Variants in MELK observed in about 807,000 individuals in gnomAD.
MELK encodes pEg3 kinase.
In MELK, 81 loss-of-function variants were observed where a neutral mutation model predicts 85.0. That is an observed-to-expected ratio of 0.95 (90% CI 0.80 to 1.15). MELK has a LOEUF of 1.15. MELK is among the 50% of genes most tolerant of loss of function. The pLI is 0.00. For missense variants in MELK, 754 were observed against 777.5 expected (o/e 0.97, Z 0.36); for synonymous variants, 252 against 265.0 (o/e 0.95, Z 0.48).
chr9:36,656,075 G>A (rs1396454515), intron 12 of MELK, among the ~76,000 whole-genome samples: 1 of 152,152 alleles, frequency 6.6e-6, no homozygotes, highest in Non-Finnish European at 1.5e-5. Context: ...GGTATAATTA[G>A]TATACCCTTA....
intron 9 of MELK, among the ~76,000 whole-genome samples, chr9:36,632,590 T>C (rs7021288): frequency 0.034 from 5,249 of 152,302 alleles, 297 homozygotes; most frequent in African/African-American, 0.12. Flanking sequence ...TGAAAATGCC[T>C]TACTCTTTCT....
intron 4 of MELK, among the ~76,000 whole-genome samples, chr9:36,593,219 G>A (rs191195697): frequency 1.2e-4 from 17 of 139,918 alleles, no homozygotes; most frequent in African/African-American, 3.3e-4. Flanking sequence ...ATTCCATTCC[G>A]TGTCATAGTT....
chr9:36,648,680 A>G (rs1266344273), intron 11 of MELK, among the ~76,000 whole-genome samples: 1 of 152,208 alleles, frequency 6.6e-6, no homozygotes, highest in Non-Finnish European at 1.5e-5. Context: ...GGTGGGGAAA[A>G]TATTGGAAGA....
intron 8 of MELK, among the ~76,000 whole-genome samples, chr9:36,615,269 A>G (rs570704199): frequency 0.06 from 3,893 of 65,258 alleles, 313 homozygotes; most frequent in African/African-American, 0.2. Context: ...CCTCCCTCCC[A>G]GACGGCACGG....
At chr9:36,639,861 T>A (rs1829594087) in intron 10 of MELK, among the ~76,000 whole-genome samples, 1 of 149,736 alleles carries the variant, frequency 6.7e-6, no homozygotes, top group Non-Finnish European at 1.5e-5. Flanking sequence ...TAAAAAAATA[T>A]TTTTTTTTTA....
intron 2 of MELK, among the ~76,000 whole-genome samples, chr9:36,582,620 T>C (rs1000016897): frequency 2.0e-5 from 3 of 152,170 alleles, no homozygotes; most frequent in Non-Finnish European, 2.9e-5. Flanking sequence ...CACATATATA[T>C]GTATACACAT....
chr9:36,666,853 TTGTGTGTGTGTGTGTGTGTG>T (rs5897643), intron 14 of MELK, among the ~76,000 whole-genome samples: 3,517 of 130,838 alleles, frequency 0.027, 50 homozygotes, highest in Middle Eastern at 0.056. Context: ...ATGTCTGTGT[TTGTGTGTGTGTGTGTGTGTG>T]TGTGTGTGTG....
chr9:36,591,907 C>T (rs1231317674), intron 4 of MELK, among the ~76,000 whole-genome samples: 2 of 151,852 alleles, frequency 1.3e-5, no homozygotes, highest in African/African-American at 4.8e-5. Context: ...GCCTTGGCAA[C>T]AGAGTGAGAC....
intron 5 of MELK, 29 bp downstream of exon 5, chr9:36,594,800 C>T (rs368316172): frequency 6.3e-7 from 1 of 1,598,116 alleles, no homozygotes. Context: ...GTTAGATGCT[C>T]ACCTTCAGCG....
At chr9:36,627,853 G>T (rs540342208) in intron 8 of MELK, among the ~76,000 whole-genome samples, 1 of 150,504 alleles carries the variant, frequency 6.6e-6, no homozygotes, top group East Asian at 2.0e-4. Context: ...TTTATCCCTT[G>T]CCAGGGCACC....
At chr9:36,615,195 G>C (rs1826508380) in intron 8 of MELK, among the ~76,000 whole-genome samples, 3 of 144,472 alleles carry the variant, frequency 2.1e-5, no homozygotes, top group Non-Finnish European at 3.1e-5. Flanking sequence ...GCCGGGCGGG[G>C]GGCTGACCCC....
Position 36,595,599 on chromosome 9 carries a change from T to C in MELK, c.405+828T>C, listed in dbSNP as rs375606380. ...TGTCAATTGTGTGTGACTTTATAAA[T>C]GTCTTGTTTTTTTTTTTTTTTTTTT... On this transcript the variant is annotated intron_variant, in intron 5 of 17. Coordinates refer to ENST00000298048, the MANE Select transcript of MELK (RefSeq NM_014791.4). 1.8e-3 allele frequency among the ~76,000 whole-genome samples: 222 copies of C among 123,494 alleles called. 1 individual carries two copies. The highest frequency in any genetic ancestry group is 6.6e-3 in the African/African-American group (212 of 31,926). 81.0% of individuals were successfully genotyped at this position (123,494 alleles called of 152,430 possible).
chr9:36,600,960 A>G (rs922996326), intron 7 of MELK, among the ~76,000 whole-genome samples: 7 of 152,164 alleles, frequency 4.6e-5, no homozygotes, highest in South Asian at 2.1e-4. Context: ...CTTTTACTCA[A>G]ATTCACAGTT....
intron 8 of MELK, among the ~76,000 whole-genome samples, chr9:36,623,297 A>G (rs1055141426): frequency 6.6e-6 from 1 of 152,208 alleles, no homozygotes; most frequent in African/African-American, 2.4e-5. Flanking sequence ...CTCCATTTGT[A>G]TAATGTGGTT....
intron 11 of MELK, among the ~76,000 whole-genome samples, chr9:36,649,318 C>G (rs1224806766): frequency 2.6e-5 from 4 of 152,012 alleles, no homozygotes; most frequent in Non-Finnish European, 4.4e-5. Context: ...AACCCTGTCT[C>G]TACTAAAAAT....
chr9:36,664,840 G>T (rs576398154), intron 13 of MELK, among the ~76,000 whole-genome samples: 76 of 152,202 alleles, frequency 5.0e-4, no homozygotes, highest in Non-Finnish European at 9.1e-4. Context: ...TTCAGCCTTG[G>T]TTACTCCTTT....
intron 14 of MELK, among the ~76,000 whole-genome samples, chr9:36,668,605 TG>T (rs35622448): frequency 0.77 from 117,597 of 152,030 alleles, 47,922 homozygotes; most frequent in Non-Finnish European, 0.9. Context: ...ATCTGCCTAC[TG>T]GGTTCAAGGG....
chr9:36,665,920 C>T (rs1832294825), intron 14 of MELK, among the ~76,000 whole-genome samples: 1 of 152,154 alleles, frequency 6.6e-6, no homozygotes, highest in Non-Finnish European at 1.5e-5. Flanking sequence ...AAGTGATTTG[C>T]CCAAGGTCAT....
At chr9:36,615,210 C>A (rs1197141056) in intron 8 of MELK, among the ~76,000 whole-genome samples, 1 of 143,658 alleles carries the variant, frequency 7.0e-6, no homozygotes, top group Non-Finnish European at 1.5e-5. Flanking sequence ...GACCCCCCCA[C>A]CTCCCTCCCA....
Sources: allele counts gnomAD v4.1 joint callset (sites outside exome capture counted in the v4.1 genomes callset), GRCh38; gene constraint gnomAD v4.1.1; transcripts MANE v1.5; gene names NCBI Gene and HGNC (gene_info 2026-07-23, HGNC 2026-07-21).